NINL: variants seen among roughly 807,000 people sequenced by gnomAD.
NINL encodes ninein like, also known as ninein-like protein.
In NINL, 153 loss-of-function variants were observed where a neutral mutation model predicts 160.3. The ratio of observed to expected loss-of-function variants is 0.95; its 90% CI spans 0.84 to 1.09. NINL has a LOEUF of 1.09. Ranked by LOEUF, NINL falls within the 50% of genes least tolerant of loss-of-function variation. The probability of loss-of-function intolerance (pLI) is 0.00; values close to 1 mark genes in which losing one functional copy is unlikely to be tolerated. For missense variants in NINL, 1,829 were observed against 1,764.0 expected (o/e 1.04, Z -0.66); for synonymous variants, 800 against 734.8 (o/e 1.09, Z -1.43).
intron 21 of NINL, 69 bp downstream of exon 21, chr20:25,461,453 T>G: frequency 1.1e-6 from 1 of 916,484 alleles, no homozygotes; most frequent in Non-Finnish European, 1.7e-6. Flanking sequence ...GGCAACACCG[T>G]TGGCACTGCG....
chr20:25,506,045 C>T (rs1322310858), intron 5 of NINL, among the ~76,000 whole-genome samples: 2 of 152,180 alleles, frequency 1.3e-5, no homozygotes, highest in Non-Finnish European at 2.9e-5. Context: ...GGGTAGATCA[C>T]GAGGTCAGGA....
Position 25,470,120 on chromosome 20 carries a change from G to T in NINL, c.3249-25C>A, listed in dbSNP as rs376527915. On this transcript the variant is annotated intron_variant, in intron 17 of 23. Coordinates refer to ENST00000278886, the MANE Select transcript of NINL (RefSeq NM_025176.6). ...TCTGCGTAAAAATTGAGAAAAGACC[G>T]GTGAGCACTTGGGGAGCCACATGTG... The T allele has an allele frequency of 1.1e-5, 17 of 1,592,688 alleles. No homozygotes were observed. In the Admixed American group the frequency reaches 2.5e-4, roughly 23 times the overall value.
rs2090584040 is a variant in NINL at position 25,453,504 on chromosome 20, G to C, written c.4096C>G (p.Arg1366Gly). 3 of 1,613,894 alleles carry C rather than the reference G, an allele frequency of 1.9e-6. No individual in the cohort carries two copies. Among genetic ancestry groups the C allele is most frequent in the Non-Finnish European group, 1.7e-6 (2 of 1,179,964 alleles). Residue 1366 changes from arginine (R) to glycine (G), a missense_variant, in exon 24 of 24, where the codon CGC (arginine) becomes GGC (glycine). Physicochemically the swap from Arg to Gly is moderately radical, Grantham distance 125. Coordinates refer to ENST00000278886, the MANE Select transcript of NINL (RefSeq NM_025176.6). The stretch of plus-strand genomic sequence containing the variant: ...CTACTGACGAGTTTGTTGAGAGCGC[G>C]AACTTTTTCTTCCAAGAGGCGGCTT... ...KQSRLLEEKV[R>G]ALNKLVSRIA...
chr20:25,469,442 C>T (rs1366977278), intron 18 of NINL, among the ~76,000 whole-genome samples: 8 of 150,146 alleles, frequency 5.3e-5, no homozygotes, highest in Non-Finnish European at 1.0e-4. Flanking sequence ...GCCCACTGCC[C>T]TGTCCCCTGA....
chr20:25,506,140 G>A (rs1235372130), intron 5 of NINL, among the ~76,000 whole-genome samples: 1 of 152,088 alleles, frequency 6.6e-6, no homozygotes, highest in African/African-American at 2.4e-5. Context: ...CAGCCGCCTG[G>A]AATCCCAGCT....
At chr20:25,576,632 A>T (rs1600372633) in intron 1 of NINL, among the ~76,000 whole-genome samples, 1 of 150,084 alleles carries the variant, frequency 6.7e-6, no homozygotes, top group African/African-American at 2.4e-5. Context: ...CTAATTTTTC[A>T]TTTTTTTTTG....
Position 25,562,189 on chromosome 20 carries a change from C to G in NINL, c.-12+23266G>C, listed in dbSNP as rs994075014. On this transcript the variant is annotated intron_variant, in intron 1 of 23. Transcript: ENST00000278886. The stretch of plus-strand genomic sequence containing the variant: ...AGGGAGGTGGGGGGTCAGCCCCCTG[C>G]CCGGCCAGCCGCCCCGTCCGGGAGG... Among the ~76,000 whole-genome samples the G allele has an allele frequency of 2.8e-5, 4 of 142,708 alleles. No individual in the cohort carries two copies. In the East Asian group the frequency reaches 6.1e-4, roughly 22 times the overall value. The allele number at this position is 142,708 out of a possible 152,430, so 93.6% of individuals were successfully genotyped here.
At chr20:25,501,687 G>T (rs544972092) in intron 7 of NINL, among the ~76,000 whole-genome samples, 6 of 152,128 alleles carry the variant, frequency 3.9e-5, no homozygotes, top group Admixed American at 1.3e-4. Flanking sequence ...CTTCTTTGTC[G>T]TTCTCACTGA....
chr20:25,552,418 T>C (rs2064816052), intron 1 of NINL, among the ~76,000 whole-genome samples: 1 of 152,146 alleles, frequency 6.6e-6, no homozygotes, highest in Non-Finnish European at 1.5e-5. Context: ...TAAACCACTT[T>C]TCTAAAAGAG....
chr20:25,468,493 CT>C (rs2062979158), intron 18 of NINL, among the ~76,000 whole-genome samples: 5 of 143,188 alleles, frequency 3.5e-5, no homozygotes, highest in Admixed American at 6.9e-5. Context: ...GGGCACCCCC[CT>C]GCCCTGTCCC....
intron 1 of NINL, among the ~76,000 whole-genome samples, chr20:25,542,551 T>G (rs1190776966): frequency 6.6e-6 from 1 of 151,166 alleles, no homozygotes; most frequent in Non-Finnish European, 1.5e-5. Context: ...CTTAAAGAGA[T>G]CCACACTGAG....
chr20:25,495,042 T>C (rs1017194999), intron 10 of NINL, among the ~76,000 whole-genome samples: 1 of 152,116 alleles, frequency 6.6e-6, no homozygotes, highest in African/African-American at 2.4e-5. Context: ...ATAAATGGCC[T>C]ATTTGGTCCC....
At chr20:25,559,930 T>C (rs968064710) in intron 1 of NINL, among the ~76,000 whole-genome samples, 15 of 151,358 alleles carry the variant, frequency 9.9e-5, no homozygotes, top group South Asian at 4.2e-4. Flanking sequence ...ACGGTTTACA[T>C]TGATTGTCGA....
intron 18 of NINL, 26 bp downstream of exon 18, chr20:25,469,965 G>A: frequency 6.5e-7 from 1 of 1,549,934 alleles, no homozygotes; most frequent in Non-Finnish European, 8.9e-7. Flanking sequence ...ACCCCCAGAA[G>A]GTCTGGGTAG....
rs370444072 is a variant in NINL at position 25,516,730 on chromosome 20, G to A, written c.277+1023C>T. Reference sequence around the variant, plus strand: ...CACCCAGGTCATGCATATGGCTAGTGGGGGGCTGACTCTGAACCCAAGGCT... The same window carrying A: ...CACCCAGGTCATGCATATGGCTAGTAGGGGGCTGACTCTGAACCCAAGGCT... On this transcript the variant is annotated intron_variant, in intron 3 of 23. Coordinates refer to ENST00000278886, the MANE Select transcript of NINL (RefSeq NM_025176.6). Among the ~76,000 whole-genome samples, 10 of 152,262 alleles carry A rather than the reference G, an allele frequency of 6.6e-5. No homozygotes were observed. In the East Asian group the frequency reaches 1.5e-3, roughly 24 times the overall value.
In NINL at chr20:25,473,913, T is replaced by A. The variant is rs2063170593; in HGVS notation, c.3248+2130A>T. Among the ~76,000 whole-genome samples the A allele has an allele frequency of 1.3e-5, 2 of 151,954 alleles. 1 individual carries two copies. The highest frequency in any genetic ancestry group is 2.9e-5 in the Non-Finnish European group (2 of 67,986). On this transcript the variant is annotated intron_variant, in intron 17 of 23. Transcript: ENST00000278886. ...AAATAAAAAGTTAAAAAGAAAGAAA[T>A]GCACACAGCAAATAAAAACCACTAA...
At chr20:25,540,383 A>G (rs1198556217) in intron 1 of NINL, among the ~76,000 whole-genome samples, 1 of 152,200 alleles carries the variant, frequency 6.6e-6, no homozygotes, top group African/African-American at 2.4e-5. Flanking sequence ...TGACGTTGTC[A>G]TCGCTCTGCA....
intron 14 of NINL, among the ~76,000 whole-genome samples, chr20:25,480,870 C>T (rs1439850237): frequency 6.6e-6 from 1 of 152,194 alleles, no homozygotes; most frequent in Non-Finnish European, 1.5e-5. Flanking sequence ...GACCCACAGG[C>T]ACCACCCTGG....
chr20:25,453,720 C>T (rs550073349), intron 23 of NINL, 78 bp from the exon 24 acceptor site: 36 of 1,350,402 alleles, frequency 2.7e-5, no homozygotes, highest in Non-Finnish European at 3.5e-5. Context: ...CTTTTATCCT[C>T]CCAGGTTTAC....
Sources: allele counts gnomAD v4.1 joint callset (sites outside exome capture counted in the v4.1 genomes callset), GRCh38; gene constraint gnomAD v4.1.1; transcripts MANE v1.5; gene names NCBI Gene and HGNC (gene_info 2026-07-23, HGNC 2026-07-21).